The following INTS8 variants were observed in gnomAD, a reference collection of about 807,000 sequenced individuals.
INTS8 encodes the protein integrator complex subunit 8, also known as protein kaonashi-1.
A neutral mutation model predicts 138.9 loss-of-function variants in INTS8; 47 were observed. The ratio of observed to expected loss-of-function variants is 0.34; its 90% CI spans 0.27 to 0.43. The LOEUF (loss-of-function observed/expected upper bound fraction) is 0.43, where lower values mean the gene tolerates loss of function less well. Ranked by LOEUF, INTS8 falls within the 20% of genes least tolerant of loss-of-function variation. INTS8 has a pLI of 1.00. For synonymous variants in INTS8, 392 were observed against 400.9 expected (o/e 0.98, Z 0.27); for missense variants, 996 against 1,173.0 (o/e 0.85, Z 2.20).
intron 22 of INTS8, 45 bp downstream of exon 22, chr8:94,873,522 A>ATGT: frequency 8.0e-7 from 1 of 1,246,324 alleles, no homozygotes. Flanking sequence ...CTACCTGTAT[A>ATGT]TGTTCTTCCT....
At chr8:94,873,513 T>C in intron 22 of INTS8, 36 bp downstream of exon 22, 1 of 1,323,668 alleles carries the variant, frequency 7.6e-7, no homozygotes, top group Non-Finnish European at 1.1e-6. Context: ...GTTTCTTGCC[T>C]ACCTGTATAT....
chr8:94,870,720 C>T (rs1005801016), intron 20 of INTS8, among the ~76,000 whole-genome samples: 39 of 152,272 alleles, frequency 2.6e-4, no homozygotes, highest in African/African-American at 8.9e-4. Flanking sequence ...CTGTACTGGG[C>T]TCTGGTGAGT....
chr8:94,865,296 C>T (rs905299446), intron 16 of INTS8, among the ~76,000 whole-genome samples: 5 of 152,000 alleles, frequency 3.3e-5, no homozygotes, highest in South Asian at 2.1e-4. Context: ...TTCGTATGCT[C>T]GAACCAGAGG....
chr8:94,824,417 C>G (rs1049718871), intron 1 of INTS8, among the ~76,000 whole-genome samples: 1 of 152,178 alleles, frequency 6.6e-6, no homozygotes, highest in Non-Finnish European at 1.5e-5. Flanking sequence ...CTTAATTGCT[C>G]ACATCCGTTA....
chr8:94,837,220 T>G (rs530988383), intron 7 of INTS8, among the ~76,000 whole-genome samples: 1 of 152,344 alleles, frequency 6.6e-6, no homozygotes, highest in African/African-American at 2.4e-5. Context: ...TGAAATATAG[T>G]ATCTTTTATA....
At chr8:94,872,195 C>T (rs1051409206) in intron 21 of INTS8, among the ~76,000 whole-genome samples, 193 bp downstream of exon 21, 3 of 152,052 alleles carry the variant, frequency 2.0e-5, no homozygotes, top group African/African-American at 7.2e-5. Flanking sequence ...TTTAACTTTA[C>T]GTTGACTACC....
chr8:94,836,204 A>G (rs1430128783), intron 6 of INTS8, among the ~76,000 whole-genome samples: 1 of 152,110 alleles, frequency 6.6e-6, no homozygotes, highest in African/African-American at 2.4e-5. Flanking sequence ...TACTGTTGAG[A>G]TTCTTCACCA....
intron 26 of INTS8, among the ~76,000 whole-genome samples, chr8:94,877,712 C>G (rs1418070227): frequency 6.6e-6 from 1 of 152,172 alleles, no homozygotes; most frequent in African/African-American, 2.4e-5. Context: ...TCTGTACCAG[C>G]CACTCACACC....
At chr8:94,825,532 G>C (rs1814467083) in intron 2 of INTS8, among the ~76,000 whole-genome samples, 1 of 151,958 alleles carries the variant, frequency 6.6e-6, no homozygotes, top group Non-Finnish European at 1.5e-5. Flanking sequence ...CACCTAAACT[G>C]TTGTAAATTT....
intron 2 of INTS8, among the ~76,000 whole-genome samples, chr8:94,826,635 T>C (rs896488087): frequency 6.6e-6 from 1 of 152,174 alleles, no homozygotes; most frequent in African/African-American, 2.4e-5. Flanking sequence ...AGAGTTAATT[T>C]TTTGAAATAT....
intron 10 of INTS8, among the ~76,000 whole-genome samples, chr8:94,845,779 T>C (rs1308207298): frequency 1.3e-5 from 2 of 152,230 alleles, no homozygotes; most frequent in African/African-American, 4.8e-5. Context: ...CATTTTTATG[T>C]GTCAACATTA....
rs779212015 is a variant in INTS8 at position 94,823,405 on chromosome 8, C to T, written c.-27C>T. ...TGTCAGGTTGGAGCCGGGAAGCGGC[C>T]CTGGTGGTAGCGGCGGCGGGGGCAG... On this transcript the variant is annotated 5_prime_UTR_variant, in exon 1 of 27. Transcript: ENST00000523731. 8 of 1,518,872 alleles carry T rather than the reference C, an allele frequency of 5.3e-6. No individual in the cohort carries two copies. In the Admixed American group the frequency reaches 1.3e-4, roughly 25 times the overall value. 94.1% of individuals were successfully genotyped at this position (1,518,872 alleles called of 1,614,324 possible). A position where few individuals can be genotyped will look rare whatever the true frequency, so the allele number is the denominator to read the frequency against.
chr8:94,860,052 G>T, intron 16 of INTS8: 1 of 153,798 alleles, frequency 6.5e-6, no homozygotes, highest in Non-Finnish European at 1.4e-5. Flanking sequence ...TCTCCAATAG[G>T]TTTGCTATTA....
intron 13 of INTS8, among the ~76,000 whole-genome samples, chr8:94,852,981 T>C (rs1815606610): frequency 6.6e-6 from 1 of 151,830 alleles, no homozygotes; most frequent in Non-Finnish European, 1.5e-5. Flanking sequence ...TTAGTTGGGC[T>C]TTTTTTTAGC....
At chr8:94,846,617 A>G (rs1815342528) in intron 10 of INTS8, among the ~76,000 whole-genome samples, 1 of 152,192 alleles carries the variant, frequency 6.6e-6, no homozygotes, top group African/African-American at 2.4e-5. Context: ...CCTCCAGTAC[A>G]GTGTTCAGTA....
intron 12 of INTS8, among the ~76,000 whole-genome samples, chr8:94,850,468 C>T (rs1384177895): frequency 2.6e-5 from 4 of 152,194 alleles, no homozygotes; most frequent in Admixed American, 1.3e-4. Flanking sequence ...AAAAATTAGC[C>T]AGGCATGGTG....
At chr8:94,865,483 G>A (rs1816146046) in intron 16 of INTS8, 23 bp from the exon 17 acceptor site, 1 of 1,594,358 alleles carries the variant, frequency 6.3e-7, no homozygotes, top group Non-Finnish European at 8.6e-7. Flanking sequence ...TATCTTTTGT[G>A]TATTTTGTTT....
rs1816796405 is a variant in INTS8 at position 94,881,217 on chromosome 8, A to C, written c.*983A>C. On this transcript the variant is annotated 3_prime_UTR_variant, in exon 27 of 27. Transcript: ENST00000523731. Reference sequence around the variant, plus strand: ...AGTCAAGAGTGTAGGAATTTTGAGAATCTAACAACTAGATTCAAAGTACTG... The same window carrying C: ...AGTCAAGAGTGTAGGAATTTTGAGACTCTAACAACTAGATTCAAAGTACTG... 1 of 368,986 alleles carries C rather than the reference A, an allele frequency of 2.7e-6. No individual in the cohort carries two copies. Among genetic ancestry groups the C allele is most frequent in the Non-Finnish European group, 4.8e-6 (1 of 208,366 alleles). The allele number at this position is 368,986 out of a possible 1,614,324, so 22.9% of individuals were successfully genotyped here. A position where few individuals can be genotyped will look rare whatever the true frequency, so the allele number is the denominator to read the frequency against.
intron 26 of INTS8, among the ~76,000 whole-genome samples, chr8:94,877,341 C>T (rs895516923): frequency 2.0e-5 from 3 of 152,218 alleles, no homozygotes; most frequent in Admixed American, 6.5e-5. Context: ...ACTTTGTACT[C>T]GGACTAAAAT....
Sources: allele counts gnomAD v4.1 joint callset (sites outside exome capture counted in the v4.1 genomes callset), GRCh38; gene constraint gnomAD v4.1.1; transcripts MANE v1.5; gene names NCBI Gene and HGNC (gene_info 2026-07-23, HGNC 2026-07-21).